The following ACYP2 variants were observed in gnomAD, a reference collection of about 807,000 sequenced individuals.
ACYP2 encodes the protein acylphosphatase-2.
In ACYP2, 12 loss-of-function variants were observed where a neutral mutation model predicts 11.2. That is an observed-to-expected ratio of 1.08 (90% CI 0.69 to 1.74). The LOEUF (loss-of-function observed/expected upper bound fraction) is 1.74. ACYP2 is among the 40% of genes most tolerant of loss of function. The pLI is 0.00. For missense variants in ACYP2, 134 were observed against 101.9 expected, an observed-to-expected ratio of 1.31 and a Z score of -1.35; for synonymous variants, 43 against 32.2, an observed-to-expected ratio of 1.33 and a Z score of -1.13.
intron 4 of ACYP2, chr2:54,085,193 G>A (rs1677884674): frequency 6.6e-6 from 1 of 152,242 alleles, no homozygotes; most frequent in Admixed American, 6.5e-5. Context: ...CCTCACGTCT[G>A]TGGGATTTTT....
chr2:54,302,640 A>C (rs186210472), intron 6 of ACYP2, among the ~76,000 whole-genome samples: 4 of 152,274 alleles, frequency 2.6e-5, no homozygotes, highest in African/African-American at 9.6e-5. Context: ...CCAACTGCCT[A>C]CTCACCATCT....
chr2:54,181,309 G>T (rs10174714), intron 6 of ACYP2, among the ~76,000 whole-genome samples: 1 of 152,026 alleles, frequency 6.6e-6, no homozygotes, highest in Non-Finnish European at 1.5e-5. Context: ...GATGGTCAGG[G>T]ATAATACAAA....
chr2:54,104,526 G>C (rs1052865780), intron 4 of ACYP2, among the ~76,000 whole-genome samples: 1 of 152,136 alleles, frequency 6.6e-6, no homozygotes, highest in Non-Finnish European at 1.5e-5. Flanking sequence ...GATGTAGTTA[G>C]ATTTTACCAA....
chr2:53,986,807 T>C (rs1465481639), intron 2 of ACYP2, among the ~76,000 whole-genome samples: 2 of 151,802 alleles, frequency 1.3e-5, no homozygotes, highest in East Asian at 3.9e-4. Flanking sequence ...GTGTTTTTAG[T>C]GAGAGACCGG....
rs943506736 is a variant in ACYP2, at chr2:54,186,020, T to G, written c.404+47272T>G. Among the ~76,000 whole-genome samples, 5 of 151,884 alleles carry G rather than the reference T, an allele frequency of 3.3e-5. No homozygotes were observed. In the East Asian group the frequency reaches 9.6e-4, roughly 29 times the overall value. On this transcript the variant is annotated intron_variant, in intron 6 of 6. Transcript: ENST00000607452. ...AAAAAACATCCAAATATAAAAAAAG[T>G]TCAGGTAGCTCACAAGAGAAGAAAA...
intron 2 of ACYP2, among the ~76,000 whole-genome samples, chr2:54,019,075 T>C (rs1489051841): frequency 6.6e-6 from 1 of 151,216 alleles, no homozygotes; most frequent in Non-Finnish European, 1.5e-5. Flanking sequence ...TATTATGTTT[T>C]TTTTTTTTGG....
At chr2:54,163,021 G>C (rs1027025581) in intron 6 of ACYP2, among the ~76,000 whole-genome samples, 3 of 152,122 alleles carry the variant, frequency 2.0e-5, no homozygotes, top group Non-Finnish European at 4.4e-5. Context: ...AGTCACTTTT[G>C]CTCGTTTTGG....
At chr2:54,215,073 A>G (rs960324719) in intron 6 of ACYP2, among the ~76,000 whole-genome samples, 3 of 152,180 alleles carry the variant, frequency 2.0e-5, no homozygotes, top group Admixed American at 6.5e-5. Context: ...ACACATAGAA[A>G]TGCTACTGAT....
chr2:54,293,270 CAG>C (rs1421288834), intron 6 of ACYP2, among the ~76,000 whole-genome samples: 2 of 152,172 alleles, frequency 1.3e-5, no homozygotes, highest in African/African-American at 2.4e-5. Context: ...CCAAATAAAA[CAG>C]AAAGAAGGGC....
chr2:54,000,432 C>T (rs938270546), intron 2 of ACYP2, among the ~76,000 whole-genome samples: 2 of 152,170 alleles, frequency 1.3e-5, no homozygotes, highest in Admixed American at 1.3e-4. Context: ...AACTTAATTA[C>T]AAGACGTTAA....
At chr2:54,185,780 A>G (rs115415056) in intron 6 of ACYP2, among the ~76,000 whole-genome samples, 2,748 of 152,310 alleles carry the variant, frequency 0.018, 44 homozygotes, top group Non-Finnish European at 0.03. Flanking sequence ...TTAAACTATT[A>G]AAGAGCTGGA....
intron 2 of ACYP2, among the ~76,000 whole-genome samples, chr2:54,003,098 G>A (rs1179512893): frequency 2.0e-5 from 3 of 151,904 alleles, no homozygotes; most frequent in East Asian, 1.9e-4. Flanking sequence ...ACAGGCATGC[G>A]CCATCATGCA....
chr2:54,168,923 A>G (rs548886847), intron 6 of ACYP2, among the ~76,000 whole-genome samples: 58 of 152,236 alleles, frequency 3.8e-4, no homozygotes, highest in Non-Finnish European at 7.6e-4. Flanking sequence ...TATAAAATAG[A>G]CAACTGAGGT....
intron 4 of ACYP2, among the ~76,000 whole-genome samples, chr2:54,134,999 G>A (rs1681138693): frequency 6.6e-6 from 1 of 152,170 alleles, no homozygotes; most frequent in African/African-American, 2.4e-5. Flanking sequence ...TTATCAAGTC[G>A]AGAACTTTCA....
intron 6 of ACYP2, among the ~76,000 whole-genome samples, chr2:54,271,997 G>A (rs1256403460): frequency 6.6e-6 from 1 of 152,082 alleles, no homozygotes; most frequent in Non-Finnish European, 1.5e-5. Flanking sequence ...GTATTAGAGT[G>A]CTAGGCTGGA....
At chr2:54,073,758 C>T (rs1441757528) in intron 4 of ACYP2, among the ~76,000 whole-genome samples, 1 of 152,062 alleles carries the variant, frequency 6.6e-6, no homozygotes, top group Non-Finnish European at 1.5e-5. Context: ...TTACAAATGG[C>T]CAATAAGCAC....
intron 6 of ACYP2, among the ~76,000 whole-genome samples, chr2:54,186,964 A>G (rs1224838476): frequency 1.3e-5 from 2 of 152,178 alleles, no homozygotes; most frequent in Non-Finnish European, 2.9e-5. Flanking sequence ...TTACTGCACC[A>G]TGGAAGGAAG....
At chr2:54,230,368 T>TA (rs1317506808) in intron 6 of ACYP2, among the ~76,000 whole-genome samples, 4 of 152,166 alleles carry the variant, frequency 2.6e-5, no homozygotes, top group African/African-American at 4.8e-5. Flanking sequence ...CGTTTTTTGT[T>TA]TTTTTGAGAC....
chr2:54,088,659 C>T (rs1469704510), intron 4 of ACYP2, among the ~76,000 whole-genome samples: 2 of 152,184 alleles, frequency 1.3e-5, no homozygotes, highest in African/African-American at 2.4e-5. Flanking sequence ...AATCAACTTC[C>T]GAATTCTGTT....
Sources: gnomAD v4.1 joint callset for allele counts (sites outside exome capture counted in the v4.1 genomes callset) on GRCh38, gnomAD v4.1.1 for gene constraint, MANE v1.5 for transcripts, NCBI Gene and HGNC (gene_info 2026-07-23, HGNC 2026-07-21) for gene names.